ATP2C2: variants seen among roughly 807,000 people sequenced by gnomAD.
The protein encoded by ATP2C2 is ATPase secretory pathway Ca2+ transporting 2.
ATP2C2 carries 171 observed loss-of-function variants against 110.8 expected under a neutral mutation model. The observed-to-expected ratio is 1.54, with a 90% CI of 1.36 to 1.75. The LOEUF (loss-of-function observed/expected upper bound fraction) is 1.75. ATP2C2 is among the 40% of genes most tolerant of loss of function. The probability of loss-of-function intolerance (pLI) is 0.00; values close to 1 mark genes in which losing one functional copy is unlikely to be tolerated. For synonymous variants in ATP2C2, 804 were observed against 508.4 expected (o/e 1.58, Z -7.82); for missense variants, 1,963 against 1,235.0 (o/e 1.59, Z -8.84).
intron 14 of ATP2C2, 152 bp from the exon 15 acceptor site, chr16:84,442,358 G>A (rs1247407705): frequency 1.4e-5 from 10 of 706,674 alleles, no homozygotes; most frequent in East Asian, 2.7e-5. Flanking sequence ...AAATAGTCAC[G>A]ATGTTTCTTT....
chr16:84,398,181 C>G (rs1905106871), intron 1 of ATP2C2, among the ~76,000 whole-genome samples: 1 of 152,024 alleles, frequency 6.6e-6, no homozygotes, highest in Non-Finnish European at 1.5e-5. Flanking sequence ...GCAAGCGGAT[C>G]ACCTGAGGTC....
chr16:84,444,212 C>G (rs532417404), intron 15 of ATP2C2, among the ~76,000 whole-genome samples: 3 of 149,420 alleles, frequency 2.0e-5, no homozygotes, highest in South Asian at 2.1e-4. Context: ...GTGGCTCACA[C>G]CTGTAATCGC....
At chr16:84,400,481 C>G (rs990919492) in intron 2 of ATP2C2, among the ~76,000 whole-genome samples, 4 of 152,096 alleles carry the variant, frequency 2.6e-5, no homozygotes, top group Non-Finnish European at 4.4e-5. Flanking sequence ...CGCCTGCCAC[C>G]ATGCCTGGCT....
chr16:84,408,154 T>C (rs568424918), intron 3 of ATP2C2, among the ~76,000 whole-genome samples: 1 of 152,228 alleles, frequency 6.6e-6, no homozygotes, highest in Non-Finnish European at 1.5e-5. Flanking sequence ...GACCAAGAAC[T>C]CAAAGGCAGG....
In ATP2C2 at chr16:84,441,041, T is replaced by G. The variant is rs1201612356; in HGVS notation, c.1311+83T>G. On this transcript the variant is annotated intron_variant, in intron 14 of 26. Transcript: ENST00000262429. ...CCTCTCTGAAAAGGGAAACAGCCAT[T>G]GAACCTACTGGTTCTTGACAATGAC... 4 of 1,172,616 alleles carry G rather than the reference T, an allele frequency of 3.4e-6. No homozygotes were observed. The East Asian group carries it at 9.7e-5, about 28-fold the overall frequency. The allele number at this position is 1,172,616 out of a possible 1,614,324, so 72.6% of individuals were successfully genotyped here. A position where few individuals can be genotyped will look rare whatever the true frequency, so the allele number is the denominator to read the frequency against.
chr16:84,378,208 T>G (rs1175463705), intron 1 of ATP2C2, among the ~76,000 whole-genome samples: 1 of 152,202 alleles, frequency 6.6e-6, no homozygotes, highest in Non-Finnish European at 1.5e-5. Context: ...GGACGCTCCC[T>G]GTCTTTGCCT....
At chr16:84,455,792 A>G (rs533880741) in intron 21 of ATP2C2, among the ~76,000 whole-genome samples, 1 of 150,442 alleles carries the variant, frequency 6.6e-6, no homozygotes, top group South Asian at 2.1e-4. Context: ...ATTATTTTGA[A>G]ATACGTCCCA....
chr16:84,404,908 C>G (rs1310948101), intron 2 of ATP2C2: 3 of 606,042 alleles, frequency 5.0e-6, no homozygotes, highest in East Asian at 3.5e-5. Flanking sequence ...CCAGAGTCGT[C>G]TTTTCTGCTG....
intron 7 of ATP2C2, among the ~76,000 whole-genome samples, chr16:84,418,271 C>T (rs1026359179): frequency 4.6e-5 from 7 of 152,298 alleles, no homozygotes; most frequent in East Asian, 1.9e-4. Flanking sequence ...CCTGCCGCCT[C>T]CTTGGTGGCT....
At chr16:84,383,348 TG>T (rs1910696602) in intron 1 of ATP2C2, among the ~76,000 whole-genome samples, 1 of 152,204 alleles carries the variant, frequency 6.6e-6, no homozygotes, top group African/African-American at 2.4e-5. Flanking sequence ...GGCCTTGGTT[TG>T]CCCATCCAAC....
At position 84,422,546 on chromosome 16, in the gene ATP2C2, C is replaced by T. The variant is rs773529940; in HGVS notation, c.774+7C>T. The T allele has an allele frequency of 1.7e-5, 27 of 1,613,134 alleles. No individual in the cohort carries two copies. In the South Asian group the frequency reaches 3.0e-4, roughly 18 times the overall value. ...GCAGTATGGGAGGGGCCAGGTAAGC[C>T]CTGGGACACCGAGGCCTTGGGCTCC... On this transcript the variant is annotated splice_region_variant and intron_variant, in intron 8 of 26. Coordinates refer to ENST00000262429, the MANE Select transcript of ATP2C2 (RefSeq NM_014861.4).
At chr16:84,459,037 C>G in intron 21 of ATP2C2, 83 bp from the exon 22 acceptor site, 1 of 1,468,390 alleles carries the variant, frequency 6.8e-7, no homozygotes, top group Non-Finnish European at 9.5e-7. Context: ...GGCGAGTCAC[C>G]ACTGCCCCTT....
At chr16:84,407,219 C>T (rs1212144924) in intron 3 of ATP2C2, 1 of 152,236 alleles carries the variant, frequency 6.6e-6, no homozygotes, top group African/African-American at 2.4e-5. Flanking sequence ...CAAGGCAGCC[C>T]TGTTCCTCTG....
In ATP2C2 at chr16:84,412,242, A is replaced by C. The variant is rs373858354; in HGVS notation, c.515+1477A>C. On this transcript the variant is annotated intron_variant, in intron 6 of 26. Coordinates refer to ENST00000262429, the MANE Select transcript of ATP2C2 (RefSeq NM_014861.4). ...CATTTTTTGCATTTTTATTTTTTAA[A>C]CCTGATTGTGTATGTGTGTGTATGT... Among the ~76,000 whole-genome samples, 22 of 151,360 alleles carry C rather than the reference A, an allele frequency of 1.5e-4. No individual in the cohort carries two copies. In the East Asian group the frequency reaches 1.6e-3, roughly 11 times the overall value.
chr16:84,446,466 C>T lies in ATP2C2; in HGVS notation c.1503+36C>T, dbSNP rs756818392. 4 of 1,466,272 alleles carry T rather than the reference C, an allele frequency of 2.7e-6. No individual in the cohort carries two copies. In the African/African-American group the frequency reaches 4.3e-5, roughly 16 times the overall value. 90.8% of individuals were successfully genotyped at this position (1,466,272 alleles called of 1,614,324 possible). On this transcript the variant is annotated intron_variant, in intron 16 of 26. Transcript: ENST00000262429. Reference sequence around the variant, plus strand: ...TCAATCTTCAACCTCTTCTCTCTTTCTGCCCGGGCCCCCACCCAGAGATAA... The same window carrying T: ...TCAATCTTCAACCTCTTCTCTCTTTTTGCCCGGGCCCCCACCCAGAGATAA...
intron 17 of ATP2C2, among the ~76,000 whole-genome samples, chr16:84,450,624 G>C (rs1054872874): frequency 6.6e-6 from 1 of 152,160 alleles, no homozygotes; most frequent in Admixed American, 6.5e-5. Flanking sequence ...CATTGGCGCA[G>C]TGTCATGACT....
chr16:84,455,076 G>T, intron 21 of ATP2C2, 92 bp downstream of exon 21: 2 of 1,502,104 alleles, frequency 1.3e-6, no homozygotes, highest in Non-Finnish European at 1.8e-6. Flanking sequence ...ATAGAGGGGG[G>T]GGTCTCGCGG....
At chr16:84,446,277 T>A in intron 15 of ATP2C2, 52 bp from the exon 16 acceptor site, 3 of 1,104,646 alleles carry the variant, frequency 2.7e-6, no homozygotes, top group Non-Finnish European at 3.9e-6. Context: ...GAGCTTTGTA[T>A]AGAGATTGGC....
chr16:84,433,902 G>T (rs532752345), intron 11 of ATP2C2, among the ~76,000 whole-genome samples: 1 of 152,092 alleles, frequency 6.6e-6, no homozygotes, highest in Non-Finnish European at 1.5e-5. Flanking sequence ...CTTGCAGCAC[G>T]GGCATCCCGC....
Sources: allele counts gnomAD v4.1 joint callset (sites outside exome capture counted in the v4.1 genomes callset), GRCh38; gene constraint gnomAD v4.1.1; transcripts MANE v1.5; gene names NCBI Gene and HGNC (gene_info 2026-07-23, HGNC 2026-07-21).